Variants in ANKRD40 observed in about 807,000 individuals in gnomAD.
ANKRD40 encodes ankyrin repeat domain-containing protein 40.
A neutral mutation model predicts 35.5 loss-of-function variants in ANKRD40; 24 were observed. That is an observed-to-expected ratio of 0.68 (90% CI 0.49 to 0.95). The LOEUF (loss-of-function observed/expected upper bound fraction) is 0.95, where lower values mean the gene tolerates loss of function less well. Ranked by LOEUF, ANKRD40 falls within the 40% of genes least tolerant of loss-of-function variation. The probability of loss-of-function intolerance (pLI) is 0.00; values close to 1 mark genes in which losing one functional copy is unlikely to be tolerated. For missense variants in ANKRD40, 361 were observed against 436.0 expected (o/e 0.83, Z 1.53); for synonymous variants, 147 against 173.5 (o/e 0.85, Z 1.20).
At chr17:50,706,903 CAA>C (rs35024672) in intron 1 of ANKRD40, among the ~76,000 whole-genome samples, 63 of 37,958 alleles carry the variant, frequency 1.7e-3, no homozygotes, top group African/African-American at 6.2e-3. Context: ...GACCCTGTCT[CAA>C]AAAAAAAAAA....
At position 50,693,383 on chromosome 17, in the gene ANKRD40, G is replaced by A. The variant is rs1383502114; in HGVS notation, c.*2614C>T. 6.6e-6 allele frequency: 1 copy of A among 152,154 alleles called. No homozygotes were observed. The highest frequency in any genetic ancestry group is 1.5e-5 in the Non-Finnish European group (1 of 68,032). 9.4% of individuals were successfully genotyped at this position (152,154 alleles called of 1,614,324 possible). ...AAATCCTTGTTATAAATTACACAAA[G>A]CATATAAAAATATTTCTCTGAATGC... is the stretch of plus-strand genomic sequence containing the variant. On this transcript the variant is annotated 3_prime_UTR_variant, in exon 5 of 5. Transcript: ENST00000285243.
At chr17:50,700,445 G>GA (rs879249092) in intron 2 of ANKRD40, 123 bp downstream of exon 2, 38,113 of 790,824 alleles carry the variant, frequency 0.048, 36 homozygotes, top group East Asian at 0.065. Context: ...CTCCGTCTCG[G>GA]AAAAAAAAAA....
intron 1 of ANKRD40, among the ~76,000 whole-genome samples, chr17:50,706,208 G>GTT (rs1968336091): frequency 1.3e-5 from 2 of 149,712 alleles, no homozygotes; most frequent in African/African-American, 4.9e-5. Flanking sequence ...TGCAACCTCC[G>GTT]CCTCCCAGGT....
chr17:50,706,749 A>T (rs2146661476), intron 1 of ANKRD40, among the ~76,000 whole-genome samples: 1 of 150,540 alleles, frequency 6.6e-6, no homozygotes, highest in East Asian at 1.9e-4. Flanking sequence ...AAAAAAAAAA[A>T]AAAAATTAGC....
Position 50,697,047 on chromosome 17 carries a change from G to T in ANKRD40, c.853C>A (p.Gln285Lys), listed in dbSNP as rs1968208987. 9 of 1,614,114 alleles carry T rather than the reference G, an allele frequency of 5.6e-6. No individual in the cohort carries two copies. The highest frequency in any genetic ancestry group is 7.6e-6 in the Non-Finnish European group (9 of 1,180,016). ...AGCAACTCTTGGTAGGTGAGCTCCT[G>T]TCGGTCCAGTTCAATTTCAATGAAA... ...NDFIEIELDR[Q>K]ELTYQELLRV... Residue 285 changes from glutamine (Q) to lysine (K), a missense_variant, in exon 4 of 5, where the codon CAG becomes AAG. Gln to Lys is a moderately conservative substitution (Grantham distance 53). Around this residue, in one of 5 missense-constraint regions of ANKRD40, gnomAD observed 93 missense variants for 129.6 expected, o/e 0.72. Coordinates refer to ENST00000285243, the MANE Select transcript of ANKRD40 (RefSeq NM_052855.4).
chr17:50,706,903 CAAAAAAA>C (rs35024672), intron 1 of ANKRD40, among the ~76,000 whole-genome samples: 742 of 37,942 alleles, frequency 0.02, 5 homozygotes, highest in African/African-American at 0.023. Context: ...GACCCTGTCT[CAAAAAAA>C]AAAAAAAAAA....
rs1205245947 is a variant in ANKRD40 at position 50,707,065 on chromosome 17, G to T, written c.134+456C>A. On this transcript the variant is annotated intron_variant, in intron 1 of 4. Transcript: ENST00000285243. The surrounding 1 kb of genome is among the most constrained non-coding windows in gnomAD (Gnocchi z 4.8). ...GATGCAAATGTGTTTTTTTTTCCTG[G>T]TCTTGGCTAAGGAAATCGTGCTAGT... 1.3e-5 allele frequency among the ~76,000 whole-genome samples: 2 copies of T among 151,806 alleles called. No individual in the cohort carries two copies. Among genetic ancestry groups the T allele is most frequent in the South Asian group, 4.1e-4 (2 of 4,826 alleles).
At position 50,700,548 on chromosome 17, in the gene ANKRD40, TC is replaced by T. The variant is rs1390420288; in HGVS notation, c.283+19del. The T allele has an allele frequency of 5.6e-6, 9 of 1,612,178 alleles. No homozygotes were observed. Among genetic ancestry groups the T allele is most frequent in the Admixed American group, 1.7e-5 (1 of 59,844 alleles). ...CAATGAGTCTGAGGAAATCAAAAGTTCCCCCAAACACAGACTCACCTCCCAT... is the reference window on the plus strand; with the variant it reads ...CAATGAGTCTGAGGAAATCAAAAGTTCCCCAAACACAGACTCACCTCCCAT... On this transcript the variant is annotated intron_variant, in intron 2 of 4. Transcript: ENST00000285243.
chr17:50,707,781 G>T lies in ANKRD40; in HGVS notation c.-127C>A. ...AGGGAGCGCGGAACTCGCCCGCCCT[G>T]CTCGCGCCGCTGCCCGCGCCCGCCC... On this transcript the variant is annotated 5_prime_UTR_variant, in exon 1 of 5. Transcript: ENST00000285243. The surrounding 1 kb of genome is among the most constrained non-coding windows in gnomAD (Gnocchi z 4.8). 1.2e-5 allele frequency: 7 copies of T among 584,734 alleles called. No homozygotes were observed. The highest frequency in any genetic ancestry group is 1.5e-5 in the Non-Finnish European group (7 of 453,050). 36.2% of individuals were successfully genotyped at this position (584,734 alleles called of 1,614,324 possible).
At position 50,695,695 on chromosome 17, in the gene ANKRD40, C is replaced by G. The variant is rs957140923; in HGVS notation, c.*302G>C. ...TCTCTCAGCTGCTGCTTAGACAACT[C>G]TCTTACATTCTGGACATAAAACACA... On this transcript the variant is annotated 3_prime_UTR_variant, in exon 5 of 5. Coordinates refer to ENST00000285243, the MANE Select transcript of ANKRD40 (RefSeq NM_052855.4). 2 of 241,720 alleles carry G rather than the reference C, an allele frequency of 8.3e-6. No individual in the cohort carries two copies. The highest frequency in any genetic ancestry group is 1.6e-5 in the Non-Finnish European group (2 of 125,858). The allele number at this position is 241,720 out of a possible 1,614,324, so 15.0% of individuals were successfully genotyped here. A position where few individuals can be genotyped will look rare whatever the true frequency, so the allele number is the denominator to read the frequency against.
chr17:50,707,581 T>C lies in ANKRD40; in HGVS notation c.74A>G (p.Glu25Gly). The change falls in exon 1 of 5, where the codon GAG becomes GGG. Residue 25 changes from glutamate (E) to glycine (G), a missense_variant. By Grantham distance (98) the Glu-to-Gly change is moderately conservative. Transcript: ENST00000285243. The surrounding 1 kb of genome is among the most constrained non-coding windows in gnomAD (Gnocchi z 4.8). ...REAAALGDIR[E>G]VQKLVESGVD... is the part of the protein sequence containing the mutation. The stretch of plus-strand genomic sequence containing the variant: ...CCCGCTCTCCACCAGTTTCTGCACC[T>C]CCCGAATGTCCCCTAAGGCCGCGGC... 6.2e-7 allele frequency: 1 copy of C among 1,607,584 alleles called. No homozygotes were observed. Among genetic ancestry groups the C allele is most frequent in the Non-Finnish European group, 8.5e-7 (1 of 1,176,942 alleles).
At position 50,695,909 on chromosome 17, in the gene ANKRD40, C is replaced by T; in HGVS notation, c.*88G>A. On this transcript the variant is annotated 3_prime_UTR_variant, in exon 5 of 5. Transcript: ENST00000285243. ...CAGTGGCACCAGAGGCCCTCCCGGG[C>T]ATCTGAGGCATTTAGATCAATGGCT... 1 of 1,515,224 alleles carries T rather than the reference C, an allele frequency of 6.6e-7. No individual in the cohort carries two copies. The highest frequency in any genetic ancestry group is 9.0e-7 in the Non-Finnish European group (1 of 1,113,594). The allele number at this position is 1,515,224 out of a possible 1,614,324, so 93.9% of individuals were successfully genotyped here.
chr17:50,694,691 T>C lies in ANKRD40; in HGVS notation c.*1306A>G, dbSNP rs904311503. 2 of 152,212 alleles carry C rather than the reference T, an allele frequency of 1.3e-5. No individual in the cohort carries two copies. Among genetic ancestry groups the C allele is most frequent in the African/African-American group, 4.8e-5 (2 of 41,460 alleles). The allele number at this position is 152,212 out of a possible 1,614,324, so 9.4% of individuals were successfully genotyped here. A position where few individuals can be genotyped will look rare whatever the true frequency, so the allele number is the denominator to read the frequency against. On this transcript the variant is annotated 3_prime_UTR_variant, in exon 5 of 5. Transcript: ENST00000285243. ...ATTCTTCTAAAAAATTCCTATGCCA[T>C]ACTCAAGAGCTTAATCAGGTGTTTT...
At chr17:50,696,793 G>A in intron 4 of ANKRD40, 147 bp downstream of exon 4, 2 of 716,368 alleles carry the variant, frequency 2.8e-6, no homozygotes, top group South Asian at 2.5e-5. Flanking sequence ...TATAGACTCA[G>A]TAGAAGGAAA....
Position 50,706,015 on chromosome 17 carries a change from AAT to A in ANKRD40, c.134+1504_134+1505del, listed in dbSNP as rs1304914538. Among the ~76,000 whole-genome samples the A allele has an allele frequency of 9.9e-5, 15 of 151,730 alleles. No homozygotes were observed. The South Asian group carries it at 2.5e-3, about 25-fold the overall frequency. On this transcript the variant is annotated intron_variant, in intron 1 of 4. Transcript: ENST00000285243. Reference sequence around the variant, plus strand: ...ACCATGGTTCTGGTGCTATCATATTAATAGTTATGTGGCCTAGGGCAAGTTAT... The same window carrying A: ...ACCATGGTTCTGGTGCTATCATATTAAGTTATGTGGCCTAGGGCAAGTTAT...
chr17:50,706,834 G>GTAGAAGT (rs982590663), intron 1 of ANKRD40, among the ~76,000 whole-genome samples: 2 of 134,892 alleles, frequency 1.5e-5, no homozygotes, highest in African/African-American at 5.4e-5. Flanking sequence ...AGCCGGGGAG[G>GTAGAAGT]TAGAAGTTGC....
chr17:50,701,374 A>G (rs1368198024), intron 1 of ANKRD40, among the ~76,000 whole-genome samples: 1 of 152,240 alleles, frequency 6.6e-6, no homozygotes, highest in Non-Finnish European at 1.5e-5. Context: ...CTGCACACAT[A>G]CTTTAATTCC....
chr17:50,700,803 G>A lies in ANKRD40; in HGVS notation c.135-87C>T. The A allele has an allele frequency of 3.9e-6, 5 of 1,288,798 alleles. No homozygotes were observed. In the South Asian group the frequency reaches 8.8e-5, roughly 23 times the overall value. 79.8% of individuals were successfully genotyped at this position (1,288,798 alleles called of 1,614,324 possible). A position where few individuals can be genotyped will look rare whatever the true frequency, so the allele number is the denominator to read the frequency against. On this transcript the variant is annotated intron_variant, in intron 1 of 4. Transcript: ENST00000285243. The stretch of plus-strand genomic sequence containing the variant: ...ACATTAGTAAATAATGTATAAACAA[G>A]CCTGTTAGAGTTCAGCTAGAACCAG...
chr17:50,701,346 C>A (rs1356964592), intron 1 of ANKRD40, among the ~76,000 whole-genome samples: 1 of 152,200 alleles, frequency 6.6e-6, no homozygotes. Context: ...ATATCCTCAT[C>A]TGCGTAAATG....
Sources: allele counts gnomAD v4.1 joint callset (sites outside exome capture counted in the v4.1 genomes callset), GRCh38; gene constraint gnomAD v4.1.1; regional missense constraint gnomAD v4.1.1; non-coding constraint Gnocchi (gnomAD v3.1); transcripts MANE v1.5; gene names NCBI Gene and HGNC (gene_info 2026-07-23, HGNC 2026-07-21).